The following CRISP2 variants were observed in gnomAD, a reference collection of about 807,000 sequenced individuals.
CRISP2 encodes cysteine-rich secretory protein 2.
In CRISP2, 29 loss-of-function variants were observed where a neutral mutation model predicts 31.7. That is an observed-to-expected ratio of 0.92 (90% CI 0.68 to 1.25). The LOEUF (loss-of-function observed/expected upper bound fraction) is 1.25. CRISP2 is among the 50% of genes most tolerant of loss of function. The probability of loss-of-function intolerance (pLI) is 0.00; values close to 1 mark genes in which losing one functional copy is unlikely to be tolerated. For missense variants in CRISP2, 318 were observed against 286.5 expected (o/e 1.11, Z -0.79); for synonymous variants, 111 against 101.4 (o/e 1.09, Z -0.57).
At position 49,712,343 on chromosome 6, in the gene CRISP2, C is replaced by T. The variant is rs114936988; in HGVS notation, c.-47+158G>A. On this transcript the variant is annotated intron_variant, in intron 2 of 9. Transcript: ENST00000339139. ...TAACCTCAACCATCTAACCTATACT[C>T]ATCTTCATTGAGTCAATGAAAGCAA... Among the ~76,000 whole-genome samples the T allele has an allele frequency of 2.6e-3, 403 of 152,312 alleles. 2 individuals are homozygous for T. The highest frequency in any genetic ancestry group is 6.1e-3 in the African/African-American group (254 of 41,566).
At chr6:49,709,055 C>G (rs776728201) in intron 4 of CRISP2, 76 bp downstream of exon 4, 17 of 1,246,926 alleles carry the variant, frequency 1.4e-5, no homozygotes, top group South Asian at 3.6e-5. Context: ...CTCTTACCCC[C>G]CTTTACTTTC....
Position 49,692,578 on chromosome 6 carries a change from AC to A in CRISP2, c.*194del, listed in dbSNP as rs2127380917. 2 of 489,634 alleles carry A rather than the reference AC, an allele frequency of 4.1e-6. No individual in the cohort carries two copies. Among genetic ancestry groups the A allele is most frequent in the Admixed American group, 3.5e-5 (1 of 28,286 alleles). 30.3% of individuals were successfully genotyped at this position (489,634 alleles called of 1,614,324 possible). A position where few individuals can be genotyped will look rare whatever the true frequency, so the allele number is the denominator to read the frequency against. Reference sequence around the variant, plus strand: ...AAGCACTAAATTTATGTCAGAGTTCACAGTTGTCATCATCTACTATGCTACT... The same window carrying A: ...AAGCACTAAATTTATGTCAGAGTTCAAGTTGTCATCATCTACTATGCTACT... On this transcript the variant is annotated 3_prime_UTR_variant, in exon 10 of 10. Transcript: ENST00000339139.
At chr6:49,683,971 G>A in the CRISP2 span, among the ~76,000 whole-genome samples, 8 of 151,830 alleles carry the variant, frequency 5.3e-5, no homozygotes, top group Non-Finnish European at 1.0e-4. Flanking sequence ...CAGAATTGTG[G>A]TAGTGCTTAA....
At chr6:49,685,485 A>G in the CRISP2 span, among the ~76,000 whole-genome samples, 4 of 152,230 alleles carry the variant, frequency 2.6e-5, no homozygotes, top group African/African-American at 4.8e-5. Flanking sequence ...ACCAATTTCA[A>G]TAGAACACCA....
At chr6:49,686,756 A>G in the CRISP2 span, among the ~76,000 whole-genome samples, 1 of 152,230 alleles carries the variant, frequency 6.6e-6, no homozygotes, top group Non-Finnish European at 1.5e-5. Flanking sequence ...ATGCACACAT[A>G]TGCTTATTGC....
At chr6:49,698,254 C>T (rs1765108834) in intron 7 of CRISP2, 108 bp downstream of exon 7, 4 of 1,275,154 alleles carry the variant, frequency 3.1e-6, no homozygotes, top group Non-Finnish European at 4.4e-6. Context: ...CTGTATTCTA[C>T]CCACTCGGAC....
intron 9 of CRISP2, among the ~76,000 whole-genome samples, chr6:49,694,195 A>T (rs1764359586): frequency 1.3e-5 from 2 of 152,180 alleles, no homozygotes; most frequent in East Asian, 3.9e-4. Context: ...GAGAAGGGTG[A>T]CATGGACAAT....
Position 49,698,348 on chromosome 6 carries a change from T to G in CRISP2, c.417+14A>C, listed in dbSNP as rs761598496. The G allele has an allele frequency of 3.1e-6, 5 of 1,612,192 alleles. No homozygotes were observed. The Admixed American group carries it at 6.7e-5, about 22-fold the overall frequency. Reference sequence around the variant, plus strand: ...AACATCTGTGACATAGGTATTTTCATGCATTCTTCTTACCTGAGTATAATG... The same window carrying G: ...AACATCTGTGACATAGGTATTTTCAGGCATTCTTCTTACCTGAGTATAATG... On this transcript the variant is annotated intron_variant, in intron 7 of 9. Transcript: ENST00000339139.
intron 8 of CRISP2, among the ~76,000 whole-genome samples, 183 bp from the exon 9 acceptor site, chr6:49,696,107 T>C (rs1408838078): frequency 6.6e-6 from 1 of 152,190 alleles, no homozygotes; most frequent in Non-Finnish European, 1.5e-5. Context: ...GCTTCACACA[T>C]GGACATATCT....
chr6:49,712,695 G>C (rs1768240653), intron 1 of CRISP2, 91 bp from the exon 2 acceptor site: 1 of 152,044 alleles, frequency 6.6e-6, no homozygotes, highest in Non-Finnish European at 1.5e-5. Context: ...CTTAAATTTT[G>C]ACTCAATTGT....
At chr6:49,682,635 CT>C in the CRISP2 span, among the ~76,000 whole-genome samples, 31 of 73,388 alleles carry the variant, frequency 4.2e-4, no homozygotes, top group African/African-American at 9.6e-4. Context: ...TTCTTTCTTT[CT>C]TTCTTTCTTC....
chr6:49,680,093 T>C, the CRISP2 span, among the ~76,000 whole-genome samples: 1,035 of 152,210 alleles, frequency 6.8e-3, 8 homozygotes, highest in African/African-American at 0.023. Context: ...GATTATTTCA[T>C]CACCCAGGTA....
intron 4 of CRISP2, among the ~76,000 whole-genome samples, chr6:49,707,355 C>G (rs1338813625): frequency 2.0e-5 from 3 of 152,094 alleles, no homozygotes; most frequent in Non-Finnish European, 4.4e-5. Flanking sequence ...AAATGTGATT[C>G]TGGGGTTCTG....
At chr6:49,697,074 C>T (rs948682299) in intron 8 of CRISP2, among the ~76,000 whole-genome samples, 3 of 152,136 alleles carry the variant, frequency 2.0e-5, no homozygotes, top group Non-Finnish European at 4.4e-5. Context: ...ACATCATCTT[C>T]GCTATCTACA....
At chr6:49,709,447 T>C (rs1157161911) in intron 3 of CRISP2, among the ~76,000 whole-genome samples, 5 of 152,156 alleles carry the variant, frequency 3.3e-5, no homozygotes, top group Non-Finnish European at 7.3e-5. Context: ...TTGAGGTACA[T>C]CTATAAAAGA....
At chr6:49,684,763 G>T in the CRISP2 span, among the ~76,000 whole-genome samples, 6 of 152,196 alleles carry the variant, frequency 3.9e-5, 1 homozygote, top group Admixed American at 3.9e-4. Context: ...CATTCTCATT[G>T]TTTTTATATG....
At chr6:49,704,360 G>A (rs1393412472) in intron 4 of CRISP2, among the ~76,000 whole-genome samples, 3 of 152,078 alleles carry the variant, frequency 2.0e-5, no homozygotes, top group Non-Finnish European at 2.9e-5. Flanking sequence ...CAGCAATTCA[G>A]AGATTTCTTC....
At chr6:49,707,013 T>G (rs1767148364) in intron 4 of CRISP2, among the ~76,000 whole-genome samples, 1 of 152,164 alleles carries the variant, frequency 6.6e-6, no homozygotes, top group South Asian at 2.1e-4. Context: ...CCTAAAAAAA[T>G]CTGGTTTTTG....
At chr6:49,689,825 AC>A (rs1763993631), downstream of CRISP2, among the ~76,000 whole-genome samples, 1 of 152,096 alleles carries the variant, frequency 6.6e-6, no homozygotes, top group African/African-American at 2.4e-5. Context: ...ACTATTCTTA[AC>A]AAAAAGGTGA....
Sources: gnomAD v4.1 joint callset for allele counts (sites outside exome capture counted in the v4.1 genomes callset) on GRCh38, gnomAD v4.1.1 for gene constraint, MANE v1.5 for transcripts, NCBI Gene and HGNC (gene_info 2026-07-23, HGNC 2026-07-21) for gene names.